Variants in PCMTD1 observed in about 807,000 individuals in gnomAD.
PCMTD1 encodes protein-L-isoaspartate O-methyltransferase domain-containing protein 1.
A neutral mutation model predicts 37.6 loss-of-function variants in PCMTD1; 12 were observed. That is an observed-to-expected ratio of 0.32 (90% CI 0.20 to 0.52). PCMTD1 has a LOEUF of 0.52. Ranked by LOEUF, PCMTD1 falls within the 20% of genes least tolerant of loss-of-function variation. The pLI, the probability that PCMTD1 is intolerant of heterozygous loss-of-function variation, is 0.97. For missense variants in PCMTD1, 235 were observed against 421.3 expected (o/e 0.56, Z 3.87); for synonymous variants, 117 against 135.8 (o/e 0.86, Z 0.96).
intron 1 of PCMTD1, among the ~76,000 whole-genome samples, chr8:51,866,743 C>G (rs2129288583): frequency 6.6e-6 from 1 of 152,048 alleles, no homozygotes; most frequent in Middle Eastern, 3.4e-3. Flanking sequence ...GATATGATCC[C>G]AAAAGCACAG....
intron 5 of PCMTD1, among the ~76,000 whole-genome samples, chr8:51,831,082 G>A (rs959976804): frequency 2.6e-5 from 4 of 151,948 alleles, no homozygotes; most frequent in African/African-American, 4.8e-5. Context: ...TGGATCACTC[G>A]AGGTCAGGTG....
Position 51,833,657 on chromosome 8 carries a change from C to G in PCMTD1, c.443G>C (p.Gly148Ala). 6.2e-7 allele frequency: 1 copy of G among 1,610,898 alleles called. No homozygotes were observed. Among genetic ancestry groups the G allele is most frequent in the Non-Finnish European group, 8.5e-7 (1 of 1,179,402 alleles). ...FEFCEPAFVV[G>A]NCLQIASDSH... ...GTCAGAAGCTATCTGGAGGCAATTACCAACAACAAATGCAGGTTCACAGAA... is the reference window on the plus strand; with the variant it reads ...GTCAGAAGCTATCTGGAGGCAATTAGCAACAACAAATGCAGGTTCACAGAA... Residue 148 changes from glycine (G) to alanine (A), a missense_variant, in exon 4 of 6, where the codon GGT (glycine) becomes GCT (alanine). Gly to Ala is a moderately conservative substitution (Grantham distance 60, BLOSUM62 0). This residue lies in a region of PCMTD1 where 183 missense variants were observed against 349.3 expected (regional missense o/e 0.52). Coordinates refer to ENST00000522514, the MANE Select transcript of PCMTD1 (RefSeq NM_052937.4).
intron 5 of PCMTD1, among the ~76,000 whole-genome samples, chr8:51,830,150 G>A (rs1318928788): frequency 2.0e-5 from 3 of 152,072 alleles, no homozygotes; most frequent in Admixed American, 6.5e-5. Context: ...CCCCTCCTTC[G>A]CTAATCCATT....
intron 5 of PCMTD1, chr8:51,827,253 G>C (rs900253591): frequency 4.2e-6 from 5 of 1,177,950 alleles, no homozygotes; most frequent in South Asian, 1.6e-5. Flanking sequence ...ATAAGTTACT[G>C]TTGGTTACTG....
At chr8:51,847,494 G>A (rs2038239067) in intron 2 of PCMTD1, among the ~76,000 whole-genome samples, 1 of 152,144 alleles carries the variant, frequency 6.6e-6, no homozygotes, top group Admixed American at 6.5e-5. Flanking sequence ...AGGTGTGGTG[G>A]TGCACACCTG....
rs1162354706 is a variant in PCMTD1, at chr8:51,818,123, T to A, written c.*2228A>T. The A allele has an allele frequency of 2.8e-6, 1 of 353,870 alleles. No homozygotes were observed. Among genetic ancestry groups the A allele is most frequent in the Non-Finnish European group, 5.5e-6 (1 of 182,616 alleles). The allele number at this position is 353,870 out of a possible 1,614,324, so 21.9% of individuals were successfully genotyped here. ...AAACACAAACCCAAAATATTCTTAT[T>A]CTAATATATCTGCATTAATAGATAA... is the stretch of plus-strand genomic sequence containing the variant. On this transcript the variant is annotated 3_prime_UTR_variant, in exon 6 of 6. Transcript: ENST00000522514.
At chr8:51,874,973 T>C (rs2038691397) in intron 1 of PCMTD1, among the ~76,000 whole-genome samples, 1 of 152,340 alleles carries the variant, frequency 6.6e-6, no homozygotes, top group South Asian at 2.1e-4. Context: ...CCTCAGCAGT[T>C]GCCTTGTTCA....
intron 1 of PCMTD1, among the ~76,000 whole-genome samples, chr8:51,889,373 A>C (rs1490058846): frequency 1.3e-5 from 2 of 152,196 alleles, no homozygotes; most frequent in Non-Finnish European, 1.5e-5. Flanking sequence ...TAACTCATTT[A>C]AGTCTTCATA....
chr8:51,872,154 A>C (rs780300042), intron 1 of PCMTD1, among the ~76,000 whole-genome samples: 15 of 152,204 alleles, frequency 9.9e-5, no homozygotes, highest in Non-Finnish European at 1.9e-4. Context: ...CATCTAGCTG[A>C]AATTTTATTA....
At chr8:51,897,734 T>C (rs1368235491) in intron 1 of PCMTD1, among the ~76,000 whole-genome samples, 1 of 152,182 alleles carries the variant, frequency 6.6e-6, no homozygotes, top group Non-Finnish European at 1.5e-5. Context: ...TATTGAAAAC[T>C]TGGCGACCAT....
intron 5 of PCMTD1, among the ~76,000 whole-genome samples, chr8:51,825,878 A>G (rs2037914552): frequency 6.6e-6 from 1 of 152,216 alleles, no homozygotes; most frequent in African/African-American, 2.4e-5. Flanking sequence ...GATGAGGAGA[A>G]ATAGGAACAC....
At chr8:51,837,725 T>C (rs1018479110) in intron 3 of PCMTD1, among the ~76,000 whole-genome samples, 1 of 152,234 alleles carries the variant, frequency 6.6e-6, no homozygotes, top group Non-Finnish European at 1.5e-5. Context: ...GGGCACACTG[T>C]TAAGAATCTT....
At chr8:51,832,619 AC>A (rs1251431369) in intron 4 of PCMTD1, among the ~76,000 whole-genome samples, 1 of 152,194 alleles carries the variant, frequency 6.6e-6, no homozygotes, top group African/African-American at 2.4e-5. Flanking sequence ...GTTTTTATTA[AC>A]TTTTTAAAGT....
chr8:51,838,982 C>A (rs1256433575), intron 3 of PCMTD1, among the ~76,000 whole-genome samples: 1 of 151,992 alleles, frequency 6.6e-6, no homozygotes, highest in Admixed American at 6.6e-5. Flanking sequence ...TTTATAATTA[C>A]TCGTAAAAGA....
Position 51,818,445 on chromosome 8 carries a change from C to T in PCMTD1, c.*1906G>A, listed in dbSNP as rs1246336346. On this transcript the variant is annotated 3_prime_UTR_variant, in exon 6 of 6. Transcript: ENST00000522514. ...AAAAAAACAAGCAGGGGAGATGGGA[C>T]AGATAACTTTCTCCAGGTTTTCCAG... 6.8e-6 allele frequency: 1 copy of T among 147,656 alleles called. No individual in the cohort carries two copies. Among genetic ancestry groups the T allele is most frequent in the African/African-American group, 2.5e-5 (1 of 40,296 alleles). 9.1% of individuals were successfully genotyped at this position (147,656 alleles called of 1,614,324 possible).
rs1243111057 is a variant in PCMTD1, at chr8:51,817,849, A to G, written c.*2502T>C. ...ATTCTTGGGATTGATCTGATGCTAG[A>G]AGCTATCTTAGGCCCTGTCTCTAAC... On this transcript the variant is annotated 3_prime_UTR_variant, in exon 6 of 6. Transcript: ENST00000522514. 4 of 456,664 alleles carry G rather than the reference A, an allele frequency of 8.8e-6. No homozygotes were observed. The highest frequency in any genetic ancestry group is 1.8e-5 in the Non-Finnish European group (4 of 226,994). 28.3% of individuals were successfully genotyped at this position (456,664 alleles called of 1,614,324 possible). A position where few individuals can be genotyped will look rare whatever the true frequency, so the allele number is the denominator to read the frequency against.
At chr8:51,869,984 G>A (rs569139680) in intron 1 of PCMTD1, among the ~76,000 whole-genome samples, 1 of 152,174 alleles carries the variant, frequency 6.6e-6, no homozygotes, top group Non-Finnish European at 1.5e-5. Flanking sequence ...GGAAAGAACT[G>A]TCAAAGGCCC....
At chr8:51,857,245 T>C (rs1454435640) in intron 2 of PCMTD1, among the ~76,000 whole-genome samples, 9 of 152,228 alleles carry the variant, frequency 5.9e-5, no homozygotes, top group Non-Finnish European at 1.0e-4. Context: ...AGCAGCAAGG[T>C]AGTGGCATCC....
intron 2 of PCMTD1, among the ~76,000 whole-genome samples, chr8:51,855,793 G>GC (rs914313501): frequency 3.9e-5 from 6 of 151,900 alleles, no homozygotes; most frequent in African/African-American, 1.4e-4. Context: ...CCGAGTAGCT[G>GC]CAACTACAGG....
Sources: allele counts gnomAD v4.1 joint callset (sites outside exome capture counted in the v4.1 genomes callset), GRCh38; gene constraint gnomAD v4.1.1; regional missense constraint gnomAD v4.1.1; transcripts MANE v1.5; gene names NCBI Gene and HGNC (gene_info 2026-07-23, HGNC 2026-07-21).